Variants in DNAH5 observed in about 807,000 individuals in gnomAD.
DNAH5 encodes the protein dynein axonemal heavy chain 5.
DNAH5 carries 372 observed loss-of-function variants against 518.2 expected under a neutral mutation model. That is an observed-to-expected ratio of 0.72 (90% CI 0.66 to 0.78). The LOEUF is 0.78. DNAH5 is among the 30% of genes least tolerant of loss of function. DNAH5 has a pLI of 0.00. For missense variants in DNAH5, 5,523 were observed against 5,687.0 expected, an observed-to-expected ratio of 0.97 and a Z score of 0.93; for synonymous variants, 2,039 against 2,025.9, an observed-to-expected ratio of 1.01 and a Z score of -0.17.
rs754698253 is a variant in DNAH5, at chr5:13,867,921, CA to C, written c.3905del (p.Leu1302ArgfsTer19). 27 of 1,613,940 alleles carry C rather than the reference CA, an allele frequency of 1.7e-5. No homozygotes were observed. Among genetic ancestry groups the C allele is most frequent in the Non-Finnish European group, 2.3e-5 (27 of 1,179,982 alleles). On this transcript the variant is annotated frameshift_variant, in exon 25 of 79. Transcript: ENST00000265104. LOFTEE classifies it high-confidence loss of function. Reference sequence around the variant, plus strand: ...CCAGCAGCTTCTCCCAAGCATAGTGCAGTGTATCAACTTTGTCTATCTCTTC... The same window carrying C: ...CCAGCAGCTTCTCCCAAGCATAGTGCGTGTATCAACTTTGTCTATCTCTTC... ...AREEIDKVDT[L>X]HYAWEKLLAR...
chr5:13,902,249 T>C (rs1774730192), intron 12 of DNAH5, 111 bp from the exon 13 acceptor site: 2 of 770,748 alleles, frequency 2.6e-6, no homozygotes, highest in African/African-American at 3.5e-5. Context: ...TGGAACAAAA[T>C]GTAACCGAAA....
chr5:13,700,008 A>G (rs568330373), intron 78 of DNAH5, among the ~76,000 whole-genome samples: 1 of 152,220 alleles, frequency 6.6e-6, no homozygotes, highest in Admixed American at 6.5e-5. Context: ...CAGCTTTGAT[A>G]ATTTTGTTTA....
chr5:13,801,374 C>T (rs1010173617), intron 47 of DNAH5, among the ~76,000 whole-genome samples: 3 of 152,148 alleles, frequency 2.0e-5, no homozygotes, highest in African/African-American at 7.2e-5. Context: ...CCACGTTTCC[C>T]GTATAGTCTG....
In DNAH5 at chr5:13,737,393, G is replaced by A. The variant is rs984789155; in HGVS notation, c.11314C>T (p.Gln3772Ter). The change falls in exon 66 of 79, where the codon CAG becomes TAG. Residue 3772 changes from glutamine to a stop codon, truncating the protein, a stop_gained. Transcript: ENST00000265104. LOFTEE classifies it high-confidence loss of function. ...DNLLYRLTST[Q>*]GSLVEDESLI... is the part of the protein sequence containing the mutation. ...CTTTCATCTTCTACCAGGGACCCCT[G>A]GGTACTTGTCAGGCGGTAAAGCAAG... 6.2e-7 allele frequency: 1 copy of A among 1,614,104 alleles called. No homozygotes were observed. The highest frequency in any genetic ancestry group is 8.5e-7 in the Non-Finnish European group (1 of 1,180,000).
At chr5:13,729,304 G>A (rs1235670141) in intron 69 of DNAH5, 135 bp downstream of exon 69, 20 of 1,177,206 alleles carry the variant, frequency 1.7e-5, no homozygotes, top group Non-Finnish European at 2.3e-5. Context: ...CTTTCAAGAA[G>A]GTCAAGCACA....
At chr5:13,941,433 T>G (rs1779450377) in intron 1 of DNAH5, among the ~76,000 whole-genome samples, 1 of 152,202 alleles carries the variant, frequency 6.6e-6, no homozygotes, top group Non-Finnish European at 1.5e-5. Flanking sequence ...CACCTTCCAG[T>G]GCTCTAAGGA....
intron 1 of DNAH5, among the ~76,000 whole-genome samples, chr5:13,977,724 C>G (rs1040397501): frequency 2.0e-5 from 3 of 152,156 alleles, no homozygotes; most frequent in African/African-American, 7.2e-5. Flanking sequence ...AGGATGGGAT[C>G]CAATCCCAAA....
intron 3 of DNAH5, among the ~76,000 whole-genome samples, chr5:13,923,742 A>G (rs1300579392): frequency 2.6e-5 from 4 of 152,186 alleles, no homozygotes; most frequent in African/African-American, 9.7e-5. Flanking sequence ...CCCTGTGTAC[A>G]TTATTAAAAC....
chr5:13,752,978 A>G (rs1750451297), intron 63 of DNAH5, among the ~76,000 whole-genome samples: 1 of 152,228 alleles, frequency 6.6e-6, no homozygotes. Flanking sequence ...TGTACTTATC[A>G]AAGAGAGCCC....
intron 17 of DNAH5, among the ~76,000 whole-genome samples, chr5:13,887,273 C>G (rs1417981707): frequency 6.6e-6 from 1 of 152,170 alleles, no homozygotes; most frequent in Non-Finnish European, 1.5e-5. Context: ...GATTGATAAC[C>G]TCTCAAAGAC....
At chr5:13,997,153 A>G (rs1187233402) in intron 1 of DNAH5, among the ~76,000 whole-genome samples, 1 of 152,188 alleles carries the variant, frequency 6.6e-6, no homozygotes, top group Non-Finnish European at 1.5e-5. Context: ...TCTCCTGAAC[A>G]TGTTTTCTCA....
chr5:13,986,257 G>A (rs1174405920), intron 1 of DNAH5, among the ~76,000 whole-genome samples: 1 of 152,180 alleles, frequency 6.6e-6, no homozygotes, highest in African/African-American at 2.4e-5. Context: ...AGCAGCCCAG[G>A]GGTGGAAAAT....
rs7724087 is a variant in DNAH5 at position 13,862,284 on chromosome 5, T to G, written c.4796+264A>C. 0.37 allele frequency among the ~76,000 whole-genome samples: 56,307 copies of G among 151,918 alleles called. 10,687 individuals carry two copies. The highest frequency in any genetic ancestry group is 0.47 in the South Asian group (2,248 of 4,812). ...GAGGATAATGAAATAAAACCAGAGT[T>G]ACACATGCTCTAACATGTGCCTGAG... On this transcript the variant is annotated intron_variant, in intron 29 of 78. Transcript: ENST00000265104.
At position 13,793,500 on chromosome 5, in the gene DNAH5, C is replaced by T. The variant is rs148099176; in HGVS notation, c.8224+15G>A. The stretch of plus-strand genomic sequence containing the variant: ...TCTTCCTCACCCTCCCACCCCACAT[C>T]CTCTTGATCTTTACCAAAGATCTTG... On this transcript the variant is annotated intron_variant, in intron 49 of 78. Transcript: ENST00000265104. 9.0e-4 allele frequency: 1,452 copies of T among 1,605,386 alleles called. 5 individuals are homozygous for T. The highest frequency in any genetic ancestry group is 5.8e-3 in the Middle Eastern group (35 of 6,050).
chr5:13,884,908 A>G, intron 19 of DNAH5, 81 bp downstream of exon 19: 1 of 1,556,520 alleles, frequency 6.4e-7, no homozygotes, highest in Non-Finnish European at 8.7e-7. Flanking sequence ...ATGCACGTGC[A>G]CACGTGCACA....
chr5:13,695,246 T>C (rs75770615), intron 78 of DNAH5, among the ~76,000 whole-genome samples: 2,067 of 152,318 alleles, frequency 0.014, 38 homozygotes, highest in African/African-American at 0.047. Flanking sequence ...CCGAGTATCC[T>C]GGCCCTCGGC....
Position 13,809,038 on chromosome 5 carries a change from T to G in DNAH5, c.7752+6A>C. On this transcript the variant is annotated splice_donor_region_variant and intron_variant, in intron 46 of 78. Coordinates refer to ENST00000265104, the MANE Select transcript of DNAH5 (RefSeq NM_001369.3). ...TGCTACAGTTAATAAAAATTAAAAG[T>G]CATACCTTGCCCTGTTTAGCAATGG... The G allele has an allele frequency of 3.1e-6, 5 of 1,614,102 alleles. No homozygotes were observed. Among genetic ancestry groups the G allele is most frequent in the Non-Finnish European group, 4.2e-6 (5 of 1,179,962 alleles).
At chr5:13,771,790 AAGAAACAACCTATGT>A (rs1279517767) in intron 55 of DNAH5, among the ~76,000 whole-genome samples, 1 of 152,236 alleles carries the variant, frequency 6.6e-6, no homozygotes, top group African/African-American at 2.4e-5. Flanking sequence ...TGTATCTCAG[AAGAAACAACCTATGT>A]ATATAAGTAT....
chr5:13,742,175 A>G (rs968567495), intron 65 of DNAH5, among the ~76,000 whole-genome samples: 1 of 152,208 alleles, frequency 6.6e-6, no homozygotes, highest in Non-Finnish European at 1.5e-5. Context: ...AAAAGGGATA[A>G]GAAAGGAGAA....
Sources: allele counts gnomAD v4.1 joint callset (sites outside exome capture counted in the v4.1 genomes callset), GRCh38; gene constraint gnomAD v4.1.1; transcripts MANE v1.5; gene names NCBI Gene and HGNC (gene_info 2026-07-23, HGNC 2026-07-21).